The following RORA variants were observed in gnomAD, a reference collection of about 807,000 sequenced individuals.
RORA encodes the protein RAR related orphan receptor A, also known as nuclear receptor ROR-alpha.
Under a neutral mutation model 69.5 loss-of-function variants are expected in RORA, and 7 were observed. The ratio of observed to expected loss-of-function variants is 0.10; its 90% CI spans 0.06 to 0.19. RORA has a LOEUF of 0.19. RORA is among the 10% of genes least tolerant of loss of function. The probability of loss-of-function intolerance (pLI) is 1.00; values close to 1 mark genes in which losing one functional copy is unlikely to be tolerated. For missense variants in RORA, 457 were observed against 663.0 expected, an observed-to-expected ratio of 0.69 and a Z score of 3.41; for synonymous variants, 261 against 240.8, an observed-to-expected ratio of 1.08 and a Z score of -0.78.
chr15:61,152,103 C>A (rs2079403072), intron 1 of RORA, among the ~76,000 whole-genome samples: 1 of 152,158 alleles, frequency 6.6e-6, no homozygotes, highest in Non-Finnish European at 1.5e-5. Flanking sequence ...CAAACAAATA[C>A]AAATTCCACC....
At chr15:60,732,553 C>G (rs1012595892) in intron 1 of RORA, among the ~76,000 whole-genome samples, 2 of 152,196 alleles carry the variant, frequency 1.3e-5, no homozygotes, top group Non-Finnish European at 2.9e-5. Context: ...AAAGCCTTAA[C>G]CTGATTTGGC....
intron 2 of RORA, among the ~76,000 whole-genome samples, chr15:60,590,152 G>A (rs1443873363): frequency 7.0e-6 from 1 of 142,674 alleles, no homozygotes; most frequent in Non-Finnish European, 1.5e-5. Flanking sequence ...TTGTTCAGAT[G>A]CATTCTCTCT....
chr15:60,637,422 C>T (rs938334506), intron 2 of RORA, among the ~76,000 whole-genome samples: 7 of 152,002 alleles, frequency 4.6e-5, no homozygotes, highest in African/African-American at 1.2e-4. Flanking sequence ...TTTTGACATA[C>T]AAAAATTTTA....
chr15:60,967,293 T>C (rs1893581929), intron 1 of RORA, among the ~76,000 whole-genome samples: 2 of 152,214 alleles, frequency 1.3e-5, no homozygotes, highest in African/African-American at 4.8e-5. Context: ...CAAATATATG[T>C]TTTCACGTAT....
At chr15:60,950,164 C>G (rs1308874264) in intron 1 of RORA, among the ~76,000 whole-genome samples, 1 of 151,706 alleles carries the variant, frequency 6.6e-6, no homozygotes, top group East Asian at 1.9e-4. Flanking sequence ...ATTTACAACC[C>G]AGAATTTCAT....
rs371060543 is a variant in RORA at position 61,082,535 on chromosome 15, C to A, written c.166+146518G>T. On this transcript the variant is annotated intron_variant, in intron 1 of 10. Transcript: ENST00000335670. The stretch of plus-strand genomic sequence containing the variant: ...CACATACACAATAATACAGTATTTG[C>A]AGGATGCAAAACCTGCCCCTACAGA... 1.2e-3 allele frequency among the ~76,000 whole-genome samples: 185 copies of A among 152,270 alleles called. 2 individuals carry two copies. In the South Asian group the frequency reaches 0.017, roughly 14 times the overall value.
rs72135304 is a variant in RORA at position 61,218,175 on chromosome 15, T to TTGTGTGTGTGTG, written c.166+10866_166+10877dup. ...AGGGTAAATATTTTACATGAAATGT[T>TTGTGTGTGTGTG]TGTGTGTGTGTGTGTGTGTGTGTGT... On this transcript the variant is annotated intron_variant, in intron 1 of 10. Coordinates refer to ENST00000335670, the MANE Select transcript of RORA (RefSeq NM_134261.3). 6.5e-3 allele frequency among the ~76,000 whole-genome samples: 967 copies of TTGTGTGTGTGTG among 148,380 alleles called. 7 individuals are homozygous for TTGTGTGTGTGTG. The highest frequency in any genetic ancestry group is 0.02 in the African/African-American group (797 of 40,386).
intron 1 of RORA, among the ~76,000 whole-genome samples, chr15:60,942,497 A>G (rs895127357): frequency 6.6e-6 from 1 of 152,240 alleles, no homozygotes; most frequent in Non-Finnish European, 1.5e-5. Flanking sequence ...GAAAAGGTGT[A>G]TGCTTAGGTT....
intron 1 of RORA, among the ~76,000 whole-genome samples, chr15:60,880,403 G>A (rs1299157900): frequency 6.6e-6 from 1 of 152,214 alleles, no homozygotes; most frequent in Non-Finnish European, 1.5e-5. Context: ...CACTTTGGGA[G>A]GCCGAGGCGG....
intron 2 of RORA, chr15:60,558,269 A>G: frequency 1.2e-6 from 2 of 1,612,640 alleles, no homozygotes; most frequent in Non-Finnish European, 1.7e-6. Context: ...GACAGGATAC[A>G]CTGATGGAGT....
At chr15:60,878,702 C>A (rs2073646934) in intron 1 of RORA, among the ~76,000 whole-genome samples, 1 of 152,122 alleles carries the variant, frequency 6.6e-6, no homozygotes, top group Non-Finnish European at 1.5e-5. Context: ...AAACCTGGGC[C>A]CTGCAGAAAC....
chr15:61,141,890 C>T (rs1255813653), intron 1 of RORA, among the ~76,000 whole-genome samples: 1 of 95,002 alleles, frequency 1.1e-5, no homozygotes, highest in Non-Finnish European at 2.3e-5. Context: ...AGCTGCCTCA[C>T]TCAGGGTAGG....
chr15:60,720,194 A>G (rs2071274263), intron 1 of RORA, among the ~76,000 whole-genome samples: 1 of 152,152 alleles, frequency 6.6e-6, no homozygotes, highest in African/African-American at 2.4e-5. Context: ...TAGGATCAGC[A>G]TCTCACACCC....
In RORA at chr15:60,499,908, T is replaced by A. The variant is rs779958321; in HGVS notation, c.1391A>T (p.Asp464Val). Reference protein sequence around the residue: ...QHVLQKNHREDGILTKLICKV... With the variant: ...QHVLQKNHREVGILTKLICKV... ...GGCACTCACCTTTGTTAGTATTCCA[T>A]CTTCTCGGTGATTCTTCTGTAGGAC... The change falls in exon 10 of 11, where the codon GAT becomes GTT. Residue 464 changes from aspartate to valine, a missense_variant. This residue lies in a region of RORA where 304 missense variants were observed against 447.4 expected (regional missense o/e 0.68). Transcript: ENST00000335670. 1 of 1,607,312 alleles carries A rather than the reference T, an allele frequency of 6.2e-7. No individual in the cohort carries two copies. The highest frequency in any genetic ancestry group is 8.5e-7 in the Non-Finnish European group (1 of 1,175,102).
intron 1 of RORA, among the ~76,000 whole-genome samples, chr15:61,155,371 G>A (rs148400220): frequency 0.011 from 1,690 of 152,116 alleles, 32 homozygotes; most frequent in African/African-American, 0.039. Context: ...AGAAAAGATA[G>A]AAGAAATACA....
chr15:60,506,283 C>T (rs1181352074), intron 5 of RORA, among the ~76,000 whole-genome samples: 1 of 152,026 alleles, frequency 6.6e-6, no homozygotes, highest in Non-Finnish European at 1.5e-5. Flanking sequence ...GGAAATGGTA[C>T]CTATTTCACA....
At chr15:60,529,954 T>C (rs1177782911) in intron 3 of RORA, 1 of 152,166 alleles carries the variant, frequency 6.6e-6, no homozygotes, top group African/African-American at 2.4e-5. Flanking sequence ...AAGGGACAAA[T>C]GGTGAACTGG....
Position 60,777,780 on chromosome 15 carries a change from T to A in RORA, c.167-99094A>T, listed in dbSNP as rs374159436. Among the ~76,000 whole-genome samples the A allele has an allele frequency of 3.9e-5, 6 of 152,208 alleles. No homozygotes were observed. In the South Asian group the frequency reaches 6.2e-4, roughly 16 times the overall value. On this transcript the variant is annotated intron_variant, in intron 1 of 10. Transcript: ENST00000335670. ...GAGAACCGAGAATCAAACCGCAATC[T>A]CGGCAGCACAGGGAATGAGTAAAAT...
chr15:61,107,083 G>A (rs1433013287), intron 1 of RORA, among the ~76,000 whole-genome samples: 1 of 152,122 alleles, frequency 6.6e-6, no homozygotes, highest in Non-Finnish European at 1.5e-5. Flanking sequence ...TGCTGGAGTG[G>A]GAGTATATTT....
Sources: gnomAD v4.1 joint callset for allele counts (sites outside exome capture counted in the v4.1 genomes callset) on GRCh38, gnomAD v4.1.1 for gene constraint, gnomAD v4.1.1 regional missense constraint, MANE v1.5 for transcripts, NCBI Gene and HGNC (gene_info 2026-07-23, HGNC 2026-07-21) for gene names.